The following TENM3 variants were observed in gnomAD, a reference collection of about 807,000 sequenced individuals.
The protein encoded by TENM3 is teneurin transmembrane protein 3.
In TENM3, 63 loss-of-function variants were observed where a neutral mutation model predicts 255.1. The ratio of observed to expected loss-of-function variants is 0.25; its 90% CI spans 0.20 to 0.30. The LOEUF (loss-of-function observed/expected upper bound fraction) is 0.30, where lower values mean the gene tolerates loss of function less well. TENM3 is among the 10% of genes least tolerant of loss of function. TENM3 has a pLI of 1.00. For synonymous variants in TENM3, 1,306 were observed against 1,322.3 expected (o/e 0.99, Z 0.27); for missense variants, 2,929 against 3,461.1 (o/e 0.85, Z 3.86).
the TENM3 span, among the ~76,000 whole-genome samples, chr4:181,985,551 GTGCTGAATCTGTGCAC>G: frequency 6.6e-6 from 1 of 152,134 alleles, no homozygotes; most frequent in Non-Finnish European, 1.5e-5. Context: ...GATATACTAA[GTGCTGAATCTGTGCAC>G]TGCCCACCAT....
At chr4:181,512,214 A>C in the TENM3 span, among the ~76,000 whole-genome samples, 20 of 151,850 alleles carry the variant, frequency 1.3e-4, no homozygotes, top group African/African-American at 4.8e-4. Flanking sequence ...CACTCTCCTC[A>C]CTACTTCTGT....
the TENM3 span, among the ~76,000 whole-genome samples, chr4:181,886,878 A>G: frequency 6.6e-6 from 1 of 152,176 alleles, no homozygotes; most frequent in Non-Finnish European, 1.5e-5. Flanking sequence ...TGGATAATGA[A>G]TATCTGACAT....
At chr4:181,575,389 G>A in the TENM3 span, among the ~76,000 whole-genome samples, 1 of 151,958 alleles carries the variant, frequency 6.6e-6, no homozygotes, top group Non-Finnish European at 1.5e-5. Context: ...ACAATTCGAT[G>A]GTAATGTCAT....
the TENM3 span, among the ~76,000 whole-genome samples, chr4:181,770,285 A>G: frequency 6.6e-6 from 1 of 152,232 alleles, no homozygotes; most frequent in South Asian, 2.1e-4. Context: ...AACCAAAATA[A>G]CAAATTGGCT....
chr4:182,762,123 A>C (rs1021160242), intron 22 of TENM3, among the ~76,000 whole-genome samples: 1 of 152,258 alleles, frequency 6.6e-6, no homozygotes, highest in Non-Finnish European at 1.5e-5. Flanking sequence ...TGCACAAAAA[A>C]TAAAAACAGA....
chr4:181,784,784 C>G, the TENM3 span, among the ~76,000 whole-genome samples: 1 of 152,152 alleles, frequency 6.6e-6, no homozygotes, highest in African/African-American at 2.4e-5. Flanking sequence ...TATATATACT[C>G]TCTACCCTAT....
At chr4:182,452,704 T>G (rs560937019) in intron 3 of TENM3, among the ~76,000 whole-genome samples, 18 of 152,348 alleles carry the variant, frequency 1.2e-4, no homozygotes, top group South Asian at 1.0e-3. Context: ...AAACATTGAC[T>G]GTTTTAAAGC....
chr4:182,619,988 TG>T (rs1485692888), intron 4 of TENM3, among the ~76,000 whole-genome samples: 1 of 152,218 alleles, frequency 6.6e-6, no homozygotes, highest in Non-Finnish European at 1.5e-5. Context: ...TTCCCAAATA[TG>T]GTCTGAGAAG....
the TENM3 span, among the ~76,000 whole-genome samples, chr4:182,071,281 A>C: frequency 6.6e-6 from 1 of 152,172 alleles, no homozygotes; most frequent in Admixed American, 6.5e-5. Flanking sequence ...GAATGGCTTG[A>C]GACATCTCCA....
chr4:182,748,509 G>A (rs180833283), intron 19 of TENM3, among the ~76,000 whole-genome samples: 214 of 152,268 alleles, frequency 1.4e-3, no homozygotes, highest in African/African-American at 4.6e-3. Flanking sequence ...AAGCAAGCAC[G>A]AGCTCACACT....
intron 3 of TENM3, among the ~76,000 whole-genome samples, chr4:182,520,183 C>A (rs1738423859): frequency 6.6e-6 from 1 of 152,026 alleles, no homozygotes; most frequent in Admixed American, 6.6e-5. Flanking sequence ...ACTACATGAT[C>A]TTGTCTTAGA....
At chr4:182,061,951 T>A in the TENM3 span, among the ~76,000 whole-genome samples, 2 of 152,204 alleles carry the variant, frequency 1.3e-5, no homozygotes, top group Non-Finnish European at 2.9e-5. Context: ...AGCTGGACCC[T>A]GTCTCAAACA....
intron 2 of TENM3, among the ~76,000 whole-genome samples, chr4:182,331,204 A>T (rs1763731350): frequency 1.3e-5 from 2 of 152,182 alleles, no homozygotes; most frequent in African/African-American, 4.8e-5. Context: ...AAAAAACAAG[A>T]TGAAAGGAGT....
chr4:181,724,618 C>T, the TENM3 span, among the ~76,000 whole-genome samples: 1 of 152,294 alleles, frequency 6.6e-6, no homozygotes, highest in South Asian at 2.1e-4. Flanking sequence ...CACACAGTGA[C>T]TGACTTGGGG....
chr4:181,888,536 G>GTGTA, the TENM3 span, among the ~76,000 whole-genome samples: 1 of 69,790 alleles, frequency 1.4e-5, no homozygotes, highest in Non-Finnish European at 2.7e-5. Flanking sequence ...ACATATATGT[G>GTGTA]TATATATATA....
chr4:182,081,732 GCAAGCAGTTATCCTA>G, the TENM3 span: 1 of 152,096 alleles, frequency 6.6e-6, no homozygotes, highest in Non-Finnish European at 1.5e-5. Context: ...CCTGTCCCTT[GCAAGCAGTTATCCTA>G]CAGCATACCT....
intron 1 of TENM3, among the ~76,000 whole-genome samples, chr4:182,221,327 AT>A (rs1411113681): frequency 6.6e-6 from 1 of 152,172 alleles, no homozygotes; most frequent in Non-Finnish European, 1.5e-5. Context: ...CTTGACATTT[AT>A]TTTGTAAAGA....
chr4:181,604,194 G>A, the TENM3 span, among the ~76,000 whole-genome samples: 36 of 152,274 alleles, frequency 2.4e-4, no homozygotes, highest in Non-Finnish European at 4.3e-4. Flanking sequence ...GAACCCGGGA[G>A]GCGGAGCTTG....
chr4:182,111,102 C>T, the TENM3 span, among the ~76,000 whole-genome samples: 1 of 150,700 alleles, frequency 6.6e-6, no homozygotes, highest in Non-Finnish European at 1.5e-5. Flanking sequence ...ATGTAGAACT[C>T]TCTCATGGTT....
Sources: gnomAD v4.1 joint callset for allele counts (sites outside exome capture counted in the v4.1 genomes callset) on GRCh38, gnomAD v4.1.1 for gene constraint, MANE v1.5 for transcripts, NCBI Gene and HGNC (gene_info 2026-07-23, HGNC 2026-07-21) for gene names.